Variants in KBTBD8 observed in about 807,000 individuals in gnomAD.
KBTBD8 encodes kelch repeat and BTB domain containing 8.
Under a neutral mutation model 53.5 loss-of-function variants are expected in KBTBD8, and 31 were observed. The observed-to-expected ratio is 0.58, with a 90% confidence interval of 0.44 to 0.78. The LOEUF (loss-of-function observed/expected upper bound fraction) is 0.78. Ranked by LOEUF, KBTBD8 falls within the 30% of genes least tolerant of loss-of-function variation. The pLI, the probability that KBTBD8 is intolerant of heterozygous loss-of-function variation, is 0.00. For synonymous variants in KBTBD8, 250 were observed against 247.3 expected (o/e 1.01, Z -0.10); for missense variants, 642 against 735.8 (o/e 0.87, Z 1.48).
chr3:66,998,839 G>A, intron 1 of KBTBD8, 142 bp from the exon 2 acceptor site: 1 of 669,794 alleles, frequency 1.5e-6, no homozygotes, highest in Non-Finnish European at 2.6e-6. Flanking sequence ...GCGGTCCCAC[G>A]AGGTCGTGCG....
chr3:66,999,212 T>G, intron 2 of KBTBD8, 21 bp downstream of exon 2: 3 of 1,573,708 alleles, frequency 1.9e-6, no homozygotes, highest in Non-Finnish European at 2.6e-6. Context: ...GGTAGGAACT[T>G]CTGTTGGTAT....
At chr3:67,004,396 C>G in intron 3 of KBTBD8, 87 bp downstream of exon 3, 1 of 1,271,972 alleles carries the variant, frequency 7.9e-7, no homozygotes, top group Non-Finnish European at 1.1e-6. Context: ...GTTGTGTTCC[C>G]GTTAATTGAG....
In KBTBD8 at chr3:67,003,507, G is replaced by T. The variant is rs1473625858; in HGVS notation, c.540G>T (p.Leu180=). 2 of 1,614,058 alleles carry T rather than the reference G, an allele frequency of 1.2e-6. No homozygotes were observed. The highest frequency in any genetic ancestry group is 2.2e-5 in the East Asian group (1 of 44,876). The change falls in exon 3 of 4, where the codon CTG becomes CTT. Residue 180 remains leucine (L), a synonymous_variant. Coordinates refer to ENST00000417314, the MANE Select transcript of KBTBD8 (RefSeq NM_032505.3). ...AAGAATACATTCGTAAAAAGTTTCT[G>T]TGTGTCACCAAAGAACAAGAGTTTC... The part of the protein sequence containing the change: ...RSKEYIRKKF[L]CVTKEQEFLQ...
At chr3:67,007,464 G>T (rs1164093462) in intron 3 of KBTBD8, among the ~76,000 whole-genome samples, 1 of 151,956 alleles carries the variant, frequency 6.6e-6, no homozygotes, top group South Asian at 2.1e-4. Context: ...AATTACAGGT[G>T]CCTGCCACCA....
rs749171326 is a variant in KBTBD8 at position 67,004,085 on chromosome 3, A to G, written c.1118A>G (p.Lys373Arg). The G allele has an allele frequency of 6.2e-7, 1 of 1,614,190 alleles. No individual in the cohort carries two copies. Among genetic ancestry groups the G allele is most frequent in the East Asian group, 2.2e-5 (1 of 44,872 alleles). Residue 373 changes from lysine to arginine, a missense_variant, in exon 3 of 4, where the codon AAA becomes AGA. Physicochemically the swap from Lys to Arg is conservative, Grantham distance 26. Coordinates refer to ENST00000417314, the MANE Select transcript of KBTBD8 (RefSeq NM_032505.3). ...CATTCCACCAATAGATGGCTATCCA[A>G]ACCATCCTTGCTTCGAGCCAGAATA... ...YDHSTNRWLS[K>R]PSLLRARIGC...
Position 67,004,993 on chromosome 3 carries a change from G to GTTTGT in KBTBD8, c.1342+698_1342+702dup, listed in dbSNP as rs1200178362. On this transcript the variant is annotated intron_variant, in intron 3 of 3. Transcript: ENST00000417314. ...AGTGGGACTATCTGATATATGTAGTGTTTGTTTTGTTTTGTTTTCTGTTTG... is the reference window on the plus strand; with the variant it reads ...AGTGGGACTATCTGATATATGTAGTGTTTGTTTTGTTTTGTTTTGTTTTCTGTTTG... 3.3e-5 allele frequency among the ~76,000 whole-genome samples: 5 copies of GTTTGT among 151,964 alleles called. No homozygotes were observed. The East Asian group carries it at 9.6e-4, about 29-fold the overall frequency.
In KBTBD8 at chr3:67,002,232, T is replaced by G. The variant is rs891775793; in HGVS notation, c.228-963T>G. ...ATATGGTATCTTTGAGAAAATGAAG[T>G]ATTTCCTTTTAAGCAAATGTTCTCA... On this transcript the variant is annotated intron_variant, in intron 2 of 3. Coordinates refer to ENST00000417314, the MANE Select transcript of KBTBD8 (RefSeq NM_032505.3). 4.6e-5 allele frequency among the ~76,000 whole-genome samples: 7 copies of G among 152,194 alleles called. 1 individual carries two copies. Among genetic ancestry groups the G allele is most frequent in the Non-Finnish European group, 5.9e-5 (4 of 68,014 alleles).
intron 2 of KBTBD8, among the ~76,000 whole-genome samples, chr3:67,000,939 T>TAACTTTAC (rs1368675443): frequency 6.6e-6 from 1 of 152,032 alleles, no homozygotes; most frequent in African/African-American, 2.4e-5. Flanking sequence ...TACTTATTAG[T>TAACTTTAC]AACTTTACAT....
In KBTBD8 at chr3:66,999,197, A is replaced by G. The variant is rs777395331; in HGVS notation, c.227+6A>G. On this transcript the variant is annotated splice_donor_region_variant and intron_variant, in intron 2 of 3. Coordinates refer to ENST00000417314, the MANE Select transcript of KBTBD8 (RefSeq NM_032505.3). ...GCAATCAGCCCTTACTTCAGGTATG[A>G]TGATGGTAGGAACTTCTGTTGGTAT... 1.4e-5 allele frequency: 23 copies of G among 1,612,266 alleles called. No homozygotes were observed. The highest frequency in any genetic ancestry group is 1.9e-5 in the Non-Finnish European group (22 of 1,178,298).
chr3:67,008,443 A>G lies in KBTBD8; in HGVS notation c.*58A>G, dbSNP rs956482578. On this transcript the variant is annotated 3_prime_UTR_variant, in exon 4 of 4. Transcript: ENST00000417314. ...CTCATTCTTAGGAAACTTGTCTTTGATACAAAAGAGTGCTGACAGTATTTC... is the reference window on the plus strand; with the variant it reads ...CTCATTCTTAGGAAACTTGTCTTTGGTACAAAAGAGTGCTGACAGTATTTC... 3 of 1,230,960 alleles carry G rather than the reference A, an allele frequency of 2.4e-6. No homozygotes were observed. Among genetic ancestry groups the G allele is most frequent in the Non-Finnish European group, 2.3e-6 (2 of 873,676 alleles). 76.3% of individuals were successfully genotyped at this position (1,230,960 alleles called of 1,614,324 possible).
intron 1 of KBTBD8, 115 bp downstream of exon 1, chr3:66,998,486 A>T (rs1701982727): frequency 3.6e-6 from 3 of 838,224 alleles, no homozygotes; most frequent in Non-Finnish European, 5.0e-6. Flanking sequence ...GGGAAGGATG[A>T]AGCGGTGGAG....
intron 2 of KBTBD8, among the ~76,000 whole-genome samples, chr3:66,999,887 T>G (rs1030675864): frequency 1.3e-5 from 2 of 152,228 alleles, no homozygotes; most frequent in African/African-American, 2.4e-5. Flanking sequence ...AGTTTTTGTT[T>G]TTACTTATAT....
At chr3:67,004,525 A>G (rs1323353682) in intron 3 of KBTBD8, among the ~76,000 whole-genome samples, 2 of 152,278 alleles carry the variant, frequency 1.3e-5, no homozygotes, top group African/African-American at 4.8e-5. Context: ...AAATAATCCT[A>G]TAATTTTTAA....
rs757764147 is a variant in KBTBD8, at chr3:67,004,209, C to T, written c.1242C>T (p.Tyr414=). 44 of 1,613,980 alleles carry T rather than the reference C, an allele frequency of 2.7e-5. No individual in the cohort carries two copies. Among genetic ancestry groups the T allele is most frequent in the Middle Eastern group, 1.6e-4 (1 of 6,082 alleles). The part of the protein sequence containing the change: ...GRNSLKSVEC[Y]DSRENCWTTV... ...ACTCACTAAAATCTGTTGAGTGCTA[C>T]GACAGTAGAGAGAATTGTTGGACGA... Residue 414 remains tyrosine (Y), a synonymous_variant, in exon 3 of 4, where the codon TAC becomes TAT. Coordinates refer to ENST00000417314, the MANE Select transcript of KBTBD8 (RefSeq NM_032505.3).
chr3:66,998,462 G>A (rs1701982422), intron 1 of KBTBD8, 91 bp downstream of exon 1: 5 of 1,019,820 alleles, frequency 4.9e-6, no homozygotes, highest in Middle Eastern at 6.9e-4. Flanking sequence ...AGGACGTAGC[G>A]GTGCGGAGCT....
intron 2 of KBTBD8, among the ~76,000 whole-genome samples, chr3:67,001,002 A>G (rs1702014283): frequency 1.3e-5 from 2 of 152,104 alleles, no homozygotes; most frequent in African/African-American, 4.8e-5. Context: ...AAGACCTGGA[A>G]AAAAATTTTA....
chr3:67,003,295 A>C lies in KBTBD8; in HGVS notation c.328A>C (p.Thr110Pro), dbSNP rs1702033326. 1 of 1,614,072 alleles carries C rather than the reference A, an allele frequency of 6.2e-7. No homozygotes were observed. Among genetic ancestry groups the C allele is most frequent in the Non-Finnish European group, 8.5e-7 (1 of 1,180,032 alleles). The change falls in exon 3 of 4, where the codon ACT (threonine) becomes CCT (proline). Residue 110 changes from threonine to proline, a missense_variant. Coordinates refer to ENST00000417314, the MANE Select transcript of KBTBD8 (RefSeq NM_032505.3). ...SMDLVLNYAY[T>P]SRVILTEANV... Reference sequence around the variant, plus strand: ...GGATTTAGTGTTGAACTATGCCTACACTTCCAGAGTTATTCTTACAGAGGC... The same window carrying C: ...GGATTTAGTGTTGAACTATGCCTACCCTTCCAGAGTTATTCTTACAGAGGC...
intron 3 of KBTBD8, 26 bp downstream of exon 3, chr3:67,004,335 T>G: frequency 6.3e-7 from 1 of 1,596,350 alleles, no homozygotes; most frequent in South Asian, 1.1e-5. Context: ...ATTTAGTTTT[T>G]CATGGAAGGG....
rs538924611 is a variant in KBTBD8, at chr3:67,007,818, T to C, written c.1343-104T>C. The C allele has an allele frequency of 1.4e-3, 852 of 611,018 alleles. 4 individuals carry two copies. Among genetic ancestry groups the C allele is most frequent in the African/African-American group, 0.012 (649 of 54,304 alleles). 37.8% of individuals were successfully genotyped at this position (611,018 alleles called of 1,614,324 possible). ...GAAATGTTTTAGAAAGTGAAATATATAGCAAATTATGCCCTTTAATCTTTA... is the reference window on the plus strand; with the variant it reads ...GAAATGTTTTAGAAAGTGAAATATACAGCAAATTATGCCCTTTAATCTTTA... On this transcript the variant is annotated intron_variant, in intron 3 of 3. Coordinates refer to ENST00000417314, the MANE Select transcript of KBTBD8 (RefSeq NM_032505.3).
Sources: gnomAD v4.1 joint callset for allele counts (sites outside exome capture counted in the v4.1 genomes callset) on GRCh38, gnomAD v4.1.1 for gene constraint, MANE v1.5 for transcripts, NCBI Gene and HGNC (gene_info 2026-07-23, HGNC 2026-07-21) for gene names.